The following ARID1B variants were observed in gnomAD, a reference collection of about 807,000 sequenced individuals.
The protein encoded by ARID1B is AT-rich interaction domain 1B, also known as AT-rich interactive domain-containing protein 1B.
A neutral mutation model predicts 212.3 loss-of-function variants in ARID1B; 30 were observed. The ratio of observed to expected loss-of-function variants is 0.14; its 90% CI spans 0.11 to 0.19. The LOEUF (loss-of-function observed/expected upper bound fraction) is 0.19, where lower values mean the gene tolerates loss of function less well. Ranked by LOEUF, ARID1B falls within the 10% of genes least tolerant of loss-of-function variation. The pLI, the probability that ARID1B is intolerant of heterozygous loss-of-function variation, is 1.00. For synonymous variants in ARID1B, 1,402 were observed against 1,301.7 expected (o/e 1.08, Z -1.66); for missense variants, 2,891 against 3,204.0 (o/e 0.90, Z 2.36).
chr6:157,103,831 C>CTTT (rs869280492), intron 5 of ARID1B, among the ~76,000 whole-genome samples: 4,064 of 118,232 alleles, frequency 0.034, 307 homozygotes, highest in African/African-American at 0.12. Context: ...ATATTAACAA[C>CTTT]TTTTTTTTTT....
intron 2 of ARID1B, among the ~76,000 whole-genome samples, chr6:156,880,268 GGA>G (rs544788903): frequency 5.3e-4 from 81 of 152,300 alleles, no homozygotes; most frequent in Non-Finnish European, 9.8e-4. Context: ...GGTAGTGAAA[GGA>G]GAGAGAAAGA....
At chr6:156,916,381 C>G (rs1790359875) in intron 3 of ARID1B, among the ~76,000 whole-genome samples, 1 of 152,138 alleles carries the variant, frequency 6.6e-6, no homozygotes, top group Non-Finnish European at 1.5e-5. Context: ...ATCAGAGGTT[C>G]ACACTGTGCG....
At chr6:156,844,127 T>A (rs1784079209) in intron 2 of ARID1B, among the ~76,000 whole-genome samples, 1 of 152,242 alleles carries the variant, frequency 6.6e-6, no homozygotes, top group East Asian at 1.9e-4. Context: ...GAGCATAGAA[T>A]CAAGCTTTCT....
chr6:157,207,935 CACATATA>C lies in ARID1B; in HGVS notation c.*47_*53del. The C allele has an allele frequency of 1.4e-6, 2 of 1,436,066 alleles. No individual in the cohort carries two copies. The highest frequency in any genetic ancestry group is 1.8e-6 in the Non-Finnish European group (2 of 1,091,896). 89.0% of individuals were successfully genotyped at this position (1,436,066 alleles called of 1,614,324 possible). A position where few individuals can be genotyped will look rare whatever the true frequency, so the allele number is the denominator to read the frequency against. The stretch of plus-strand genomic sequence containing the variant: ...CATGTGTGAGTGAAGATTAGAGGGT[CACATATA>C]ACTGGCTGTTTTCTGTTCTTGTTTA... On this transcript the variant is annotated 3_prime_UTR_variant, in exon 20 of 20. Transcript: ENST00000636930. This position sits in a 1 kb window ranked among gnomAD's most constrained non-coding sequence, Gnocchi z 8.5.
chr6:156,948,826 A>T (rs553539519), intron 4 of ARID1B, among the ~76,000 whole-genome samples: 1 of 152,380 alleles, frequency 6.6e-6, no homozygotes, highest in African/African-American at 2.4e-5. Flanking sequence ...TACTTTTGGG[A>T]TACTGGTTAC....
At chr6:156,871,618 C>G (rs2128145179) in intron 2 of ARID1B, 1 of 1,612,382 alleles carries the variant, frequency 6.2e-7, no homozygotes, top group East Asian at 2.2e-5. Context: ...TTTTAGGACT[C>G]TGGAGATGCC....
chr6:156,819,291 G>C (rs1443682265), intron 1 of ARID1B, among the ~76,000 whole-genome samples: 1 of 152,156 alleles, frequency 6.6e-6, no homozygotes, highest in Non-Finnish European at 1.5e-5. Context: ...AAATGTTAAA[G>C]CCATGATAAA....
chr6:157,102,935 G>GA (rs1238052385), intron 5 of ARID1B, among the ~76,000 whole-genome samples: 3 of 152,086 alleles, frequency 2.0e-5, no homozygotes, highest in African/African-American at 7.2e-5. Context: ...TTATCATTTA[G>GA]AACAGGGATC....
chr6:156,948,081 C>T (rs2128299577), intron 4 of ARID1B, among the ~76,000 whole-genome samples: 1 of 152,234 alleles, frequency 6.6e-6, no homozygotes, highest in African/African-American at 2.4e-5. Context: ...TGAGCTTTTT[C>T]AAAGCTAAAA....
chr6:156,780,682 G>A (rs951094257), intron 1 of ARID1B, among the ~76,000 whole-genome samples: 4 of 152,168 alleles, frequency 2.6e-5, no homozygotes, highest in African/African-American at 9.7e-5. Context: ...GTAAGGTTCA[G>A]TATTTAAAGC....
intron 18 of ARID1B, among the ~76,000 whole-genome samples, chr6:157,202,723 C>G (rs1794187521): frequency 6.7e-6 from 1 of 149,580 alleles, no homozygotes; most frequent in Non-Finnish European, 1.5e-5. Flanking sequence ...ATCTATATCC[C>G]TTTATATATA....
At chr6:157,164,969 A>G (rs1246376743) in intron 8 of ARID1B, among the ~76,000 whole-genome samples, 1 of 152,230 alleles carries the variant, frequency 6.6e-6, no homozygotes, top group Non-Finnish European at 1.5e-5. Flanking sequence ...ATTGTCTGCT[A>G]AGACACTGAG....
chr6:157,038,144 A>G (rs1383795155), intron 4 of ARID1B, among the ~76,000 whole-genome samples: 1 of 152,152 alleles, frequency 6.6e-6, no homozygotes, highest in Non-Finnish European at 1.5e-5. Context: ...ATTAGGAGAC[A>G]CTTATTAGAG....
chr6:156,975,782 G>A (rs1777199067), intron 4 of ARID1B, among the ~76,000 whole-genome samples: 1 of 151,948 alleles, frequency 6.6e-6, no homozygotes, highest in South Asian at 2.1e-4. Flanking sequence ...TGCCACCACA[G>A]TGGTGCATGT....
intron 5 of ARID1B, among the ~76,000 whole-genome samples, chr6:157,096,046 TG>T (rs1486008425): frequency 6.6e-6 from 1 of 152,202 alleles, no homozygotes; most frequent in Admixed American, 6.5e-5. Flanking sequence ...AAGAATAATG[TG>T]ATTTATCCTT....
At chr6:157,122,928 C>G (rs185530812) in intron 6 of ARID1B, among the ~76,000 whole-genome samples, 1 of 152,118 alleles carries the variant, frequency 6.6e-6, no homozygotes, top group Non-Finnish European at 1.5e-5. Context: ...GTGATCCACC[C>G]GCCTCAGCCT....
chr6:156,975,720 G>GT (rs1454769725), intron 4 of ARID1B, among the ~76,000 whole-genome samples: 1 of 143,742 alleles, frequency 7.0e-6, no homozygotes, highest in Non-Finnish European at 1.5e-5. Context: ...GATGTAATGT[G>GT]TTTTTTTCTG....
At chr6:156,977,186 G>T (rs73020054) in intron 4 of ARID1B, 1 of 190,098 alleles carries the variant, frequency 5.3e-6, no homozygotes, top group Non-Finnish European at 1.1e-5. Flanking sequence ...TCTTTTGGTT[G>T]TGTTTTATTG....
chr6:157,033,353 T>A (rs1165941663), intron 4 of ARID1B, among the ~76,000 whole-genome samples: 1 of 152,260 alleles, frequency 6.6e-6, no homozygotes, highest in African/African-American at 2.4e-5. Flanking sequence ...CTTTAGTTCC[T>A]CTTTTTGTGA....
Sources: gnomAD v4.1 joint callset for allele counts (sites outside exome capture counted in the v4.1 genomes callset) on GRCh38, gnomAD v4.1.1 for gene constraint, Gnocchi (gnomAD v3.1) non-coding constraint, MANE v1.5 for transcripts, NCBI Gene and HGNC (gene_info 2026-07-23, HGNC 2026-07-21) for gene names.